Variants in SPIN1 observed in about 807,000 individuals in gnomAD.
SPIN1 encodes the protein spindlin-1.
A neutral mutation model predicts 26.0 loss-of-function variants in SPIN1; 3 were observed. The ratio of observed to expected loss-of-function variants is 0.12; its 90% CI spans 0.05 to 0.30. The LOEUF is 0.30. SPIN1 is among the 10% of genes least tolerant of loss of function. The pLI, the probability that SPIN1 is intolerant of heterozygous loss-of-function variation, is 1.00. For synonymous variants in SPIN1, 101 were observed against 116.5 expected (o/e 0.87, Z 0.86); for missense variants, 126 against 333.4 (o/e 0.38, Z 4.84).
chr9:88,442,068 C>T (rs1389767587), intron 2 of SPIN1, among the ~76,000 whole-genome samples: 5 of 150,898 alleles, frequency 3.3e-5, no homozygotes, highest in African/African-American at 1.2e-4. Flanking sequence ...TCTCCTGCCT[C>T]AGCCTCCCAA....
intron 2 of SPIN1, among the ~76,000 whole-genome samples, chr9:88,428,082 A>G (rs1479941261): frequency 6.6e-6 from 1 of 151,852 alleles, no homozygotes; most frequent in East Asian, 1.9e-4. Flanking sequence ...GACTGGTGAA[A>G]CCTCCCAGGT....
intron 5 of SPIN1, 108 bp downstream of exon 5, chr9:88,468,713 A>G: frequency 6.0e-6 from 4 of 670,372 alleles, no homozygotes; most frequent in Non-Finnish European, 8.7e-6. Context: ...TTTTGGATAT[A>G]TGATTCTTTT....
chr9:88,394,678 C>T (rs1827013965), intron 1 of SPIN1, among the ~76,000 whole-genome samples: 2 of 152,004 alleles, frequency 1.3e-5, no homozygotes, highest in South Asian at 4.1e-4. Context: ...TAAGCATGTA[C>T]AGTTGACATT....
intron 1 of SPIN1, among the ~76,000 whole-genome samples, chr9:88,412,210 C>T (rs1033547004): frequency 6.6e-6 from 1 of 151,992 alleles, no homozygotes; most frequent in Non-Finnish European, 1.5e-5. Flanking sequence ...GTTTCCTTAA[C>T]ACAATTCCAG....
intron 3 of SPIN1, among the ~76,000 whole-genome samples, chr9:88,453,673 T>A (rs1828408078): frequency 6.6e-6 from 1 of 152,114 alleles, no homozygotes; most frequent in Non-Finnish European, 1.5e-5. Flanking sequence ...ATTACAGGCA[T>A]GCGCCACCAC....
chr9:88,413,935 A>G (rs1219479965), intron 1 of SPIN1, among the ~76,000 whole-genome samples: 1 of 152,120 alleles, frequency 6.6e-6, no homozygotes, highest in East Asian at 1.9e-4. Context: ...CTGACCAAGT[A>G]CAAATGTGGA....
intron 1 of SPIN1, among the ~76,000 whole-genome samples, chr9:88,425,454 T>C (rs899641582): frequency 3.3e-5 from 5 of 151,942 alleles, no homozygotes; most frequent in African/African-American, 4.8e-5. Flanking sequence ...CCGAGGCAGG[T>C]GGATCACAAG....
chr9:88,458,834 A>G (rs1828524214), intron 3 of SPIN1, among the ~76,000 whole-genome samples: 1 of 152,160 alleles, frequency 6.6e-6, no homozygotes, highest in Non-Finnish European at 1.5e-5. Flanking sequence ...CTGGAGGCAG[A>G]ATTCCTTCCT....
intron 3 of SPIN1, among the ~76,000 whole-genome samples, chr9:88,451,563 G>T (rs1587807756): frequency 6.6e-6 from 1 of 152,144 alleles, no homozygotes; most frequent in East Asian, 1.9e-4. Context: ...TTTTTTGTTT[G>T]TTTGTTTGTT....
intron 2 of SPIN1, among the ~76,000 whole-genome samples, chr9:88,431,489 C>T (rs1827869874): frequency 1.3e-5 from 2 of 151,852 alleles, no homozygotes; most frequent in South Asian, 4.2e-4. Flanking sequence ...GGGGTTTCTC[C>T]ATGTTGGTCA....
chr9:88,420,396 A>G (rs1827647223), intron 1 of SPIN1, among the ~76,000 whole-genome samples: 1 of 152,176 alleles, frequency 6.6e-6, no homozygotes, highest in South Asian at 2.1e-4. Flanking sequence ...AACAGAAACA[A>G]AACAAAAGAG....
chr9:88,444,778 C>T (rs1021331556), intron 2 of SPIN1, among the ~76,000 whole-genome samples: 1 of 150,608 alleles, frequency 6.6e-6, no homozygotes, highest in Admixed American at 6.6e-5. Context: ...GCAAGCTCCA[C>T]CTCCCGGGTT....
chr9:88,408,973 GTGTGTGTT>G (rs990383361), intron 1 of SPIN1, among the ~76,000 whole-genome samples: 6 of 128,570 alleles, frequency 4.7e-5, no homozygotes, highest in Admixed American at 3.0e-4. Flanking sequence ...TTTTGTGTTT[GTGTGTGTT>G]TGTGTGTGTG....
At chr9:88,389,711 AC>A (rs1343179987) in intron 1 of SPIN1, among the ~76,000 whole-genome samples, 1 of 152,198 alleles carries the variant, frequency 6.6e-6, no homozygotes, top group Non-Finnish European at 1.5e-5. Flanking sequence ...ACCTGTCTTA[AC>A]TTTTTTTCTA....
chr9:88,478,608 A>G lies in SPIN1; in HGVS notation c.*3331A>G, dbSNP rs1291361231. On this transcript the variant is annotated 3_prime_UTR_variant, in exon 6 of 6. Coordinates refer to ENST00000375859, the MANE Select transcript of SPIN1 (RefSeq NM_006717.3). ...GCATTTAGAAGTATACACAATATAA[A>G]TCTGTTAATTCTGTAAGTAATTTTT... The G allele has an allele frequency of 6.6e-6, 1 of 152,250 alleles. No homozygotes were observed. The highest frequency in any genetic ancestry group is 1.9e-4 in the East Asian group (1 of 5,204). The allele number at this position is 152,250 out of a possible 1,614,324, so 9.4% of individuals were successfully genotyped here. A position where few individuals can be genotyped will look rare whatever the true frequency, so the allele number is the denominator to read the frequency against.
At chr9:88,439,675 A>G (rs537246627) in intron 2 of SPIN1, among the ~76,000 whole-genome samples, 4 of 152,312 alleles carry the variant, frequency 2.6e-5, no homozygotes, top group East Asian at 1.9e-4. Context: ...TTAGGCACAT[A>G]CACATTAAGG....
chr9:88,393,188 A>G (rs771908130), intron 1 of SPIN1, among the ~76,000 whole-genome samples: 1 of 149,956 alleles, frequency 6.7e-6, no homozygotes, highest in Non-Finnish European at 1.5e-5. Flanking sequence ...CTCAATGTAA[A>G]TATTATTTTA....
chr9:88,401,915 C>T (rs991205581), intron 1 of SPIN1, among the ~76,000 whole-genome samples: 2 of 152,300 alleles, frequency 1.3e-5, no homozygotes, highest in Non-Finnish European at 1.5e-5. Context: ...TTATGGGATG[C>T]ATATGAATAC....
At chr9:88,401,373 A>G (rs1827183494) in intron 1 of SPIN1, among the ~76,000 whole-genome samples, 1 of 152,136 alleles carries the variant, frequency 6.6e-6, no homozygotes, top group African/African-American at 2.4e-5. Context: ...AAAAAAATTC[A>G]TACAGCCATC....
Sources: gnomAD v4.1 joint callset for allele counts (sites outside exome capture counted in the v4.1 genomes callset) on GRCh38, gnomAD v4.1.1 for gene constraint, MANE v1.5 for transcripts, NCBI Gene and HGNC (gene_info 2026-07-23, HGNC 2026-07-21) for gene names.